The following IFNAR1 variants were observed in gnomAD, a reference collection of about 807,000 sequenced individuals.
The protein encoded by IFNAR1 is interferon alpha and beta receptor subunit 1, also known as interferon alpha/beta receptor 1.
A neutral mutation model predicts 62.1 loss-of-function variants in IFNAR1; 47 were observed. The observed-to-expected ratio is 0.76, with a 90% CI of 0.60 to 0.97. The LOEUF (loss-of-function observed/expected upper bound fraction) is 0.97. Among genes scored for constraint, IFNAR1 ranks in the 50% least tolerant of loss-of-function variants. The pLI is 0.00. For synonymous variants in IFNAR1, 219 were observed against 226.9 expected (o/e 0.97, Z 0.31); for missense variants, 638 against 654.5 (o/e 0.97, Z 0.27).
intron 1 of IFNAR1, among the ~76,000 whole-genome samples, chr21:33,327,532 T>A (rs1264335588): frequency 1.3e-5 from 2 of 152,224 alleles, no homozygotes; most frequent in African/African-American, 2.4e-5. Context: ...ATCCTGAGTC[T>A]GGACTAATAG....
chr21:33,341,759 A>G (rs755311551), intron 3 of IFNAR1, among the ~76,000 whole-genome samples: 46 of 151,968 alleles, frequency 3.0e-4, no homozygotes, highest in Middle Eastern at 6.8e-3. Flanking sequence ...ACGGCTCACT[A>G]CAGCCTCTGC....
At chr21:33,330,954 C>A (rs989602467) in intron 1 of IFNAR1, among the ~76,000 whole-genome samples, 1 of 152,224 alleles carries the variant, frequency 6.6e-6, no homozygotes, top group Non-Finnish European at 1.5e-5. Flanking sequence ...AGAGAAGGAG[C>A]CAACACTGTG....
Position 33,359,115 on chromosome 21 carries a change from T to TTGAA in IFNAR1, c.*3575_*3578dup, listed in dbSNP as rs1164919625. On this transcript the variant is annotated 3_prime_UTR_variant, in exon 11 of 11. Coordinates refer to ENST00000270139, the MANE Select transcript of IFNAR1 (RefSeq NM_000629.3). Reference sequence around the variant, plus strand: ...AATGAAAGTACTTAGAAAATAATTATTGAATGAATGAAATCTAAACTGTGA... The same window carrying TTGAA: ...AATGAAAGTACTTAGAAAATAATTATTGAATGAATGAATGAAATCTAAACTGTGA... 6.6e-6 allele frequency: 1 copy of TTGAA among 152,182 alleles called. No homozygotes were observed. The highest frequency in any genetic ancestry group is 1.5e-5 in the Non-Finnish European group (1 of 68,030). 9.4% of individuals were successfully genotyped at this position (152,182 alleles called of 1,614,324 possible). A position where few individuals can be genotyped will look rare whatever the true frequency, so the allele number is the denominator to read the frequency against.
At position 33,359,067 on chromosome 21, in the gene IFNAR1, T is replaced by C. The variant is rs955155831; in HGVS notation, c.*3518T>C. On this transcript the variant is annotated 3_prime_UTR_variant, in exon 11 of 11. Transcript: ENST00000270139. ...AGGCTCCAAGAAAACAGGGACCTTATTATTCATTACTGCATCCCCAGTAAT... is the reference window on the plus strand; with the variant it reads ...AGGCTCCAAGAAAACAGGGACCTTACTATTCATTACTGCATCCCCAGTAAT... 11 of 152,276 alleles carry C rather than the reference T, an allele frequency of 7.2e-5. No homozygotes were observed. The highest frequency in any genetic ancestry group is 3.9e-4 in the Admixed American group (6 of 15,296). 9.4% of individuals were successfully genotyped at this position (152,276 alleles called of 1,614,324 possible). A position where few individuals can be genotyped will look rare whatever the true frequency, so the allele number is the denominator to read the frequency against.
At chr21:33,352,639 A>G in intron 8 of IFNAR1, 119 bp from the exon 9 acceptor site, 1 of 540,832 alleles carries the variant, frequency 1.8e-6, no homozygotes, top group Non-Finnish European at 3.3e-6. Flanking sequence ...AACAAAAAAT[A>G]CATACCAACT....
intron 2 of IFNAR1, among the ~76,000 whole-genome samples, chr21:33,337,343 A>G (rs1191237678): frequency 1.3e-5 from 2 of 152,108 alleles, no homozygotes; most frequent in African/African-American, 4.8e-5. Flanking sequence ...ATTATTCAAG[A>G]GGAGAGGCAG....
intron 1 of IFNAR1, among the ~76,000 whole-genome samples, chr21:33,329,904 A>C (rs1466971617): frequency 2.0e-5 from 3 of 152,254 alleles, no homozygotes; most frequent in Non-Finnish European, 4.4e-5. Context: ...GGAAGATGGC[A>C]GAGTAGAAAG....
chr21:33,337,055 A>G (rs547732679), intron 2 of IFNAR1, among the ~76,000 whole-genome samples: 97 of 151,958 alleles, frequency 6.4e-4, no homozygotes, highest in African/African-American at 2.3e-3. Flanking sequence ...TGGCCTAGAT[A>G]CACTTTGTAA....
In IFNAR1 at chr21:33,356,805, G is replaced by C. The variant is rs2083453052; in HGVS notation, c.*1256G>C. On this transcript the variant is annotated 3_prime_UTR_variant, in exon 11 of 11. Transcript: ENST00000270139. ...TGCTTCCCTAGGAAAAAGGTCGCTG[G>C]CTTTGGTGCAAGAGGAAGAAGAATG... 1 of 152,166 alleles carries C rather than the reference G, an allele frequency of 6.6e-6. No individual in the cohort carries two copies. Among genetic ancestry groups the C allele is most frequent in the Non-Finnish European group, 1.5e-5 (1 of 68,024 alleles). 9.4% of individuals were successfully genotyped at this position (152,166 alleles called of 1,614,324 possible). A position where few individuals can be genotyped will look rare whatever the true frequency, so the allele number is the denominator to read the frequency against.
At chr21:33,334,563 C>T (rs1337908738) in intron 1 of IFNAR1, 19 of 531,862 alleles carry the variant, frequency 3.6e-5, no homozygotes, top group Non-Finnish European at 5.6e-5. Flanking sequence ...AACTGCCCTG[C>T]GAGAAATGCT....
chr21:33,338,738 TTTG>T (rs1239326543), intron 2 of IFNAR1, among the ~76,000 whole-genome samples: 2 of 151,790 alleles, frequency 1.3e-5, no homozygotes, highest in African/African-American at 4.8e-5. Flanking sequence ...TAATAGTTTT[TTTG>T]TTGTTGGTTT....
chr21:33,344,161 G>GA (rs576952200), intron 5 of IFNAR1, among the ~76,000 whole-genome samples: 29 of 146,354 alleles, frequency 2.0e-4, no homozygotes, highest in East Asian at 1.4e-3. Context: ...CTCCGTCTTA[G>GA]AAAAAAAAAA....
rs1188530434 is a variant in IFNAR1 at position 33,341,129 on chromosome 21, A to G, written c.331A>G (p.Thr111Ala). The G allele has an allele frequency of 1.2e-6, 2 of 1,613,262 alleles. No homozygotes were observed. Among genetic ancestry groups the G allele is most frequent in the African/African-American group, 1.3e-5 (1 of 74,892 alleles). ...GCGTATAAGAGCAGAAAAAGAAAACACTTCTTCATGGTATGAGGTTGACTC... is the reference window on the plus strand; with the variant it reads ...GCGTATAAGAGCAGAAAAAGAAAACGCTTCTTCATGGTATGAGGTTGACTC... ...KLRIRAEKEN[T>A]SSWYEVDSFT... Residue 111 changes from threonine (T) to alanine (A), a missense_variant, in exon 3 of 11, where the codon ACT (threonine) becomes GCT (alanine). By Grantham distance (58) the Thr-to-Ala change is moderately conservative. Transcript: ENST00000270139.
At chr21:33,330,298 C>T (rs2083163927) in intron 1 of IFNAR1, among the ~76,000 whole-genome samples, 1 of 152,262 alleles carries the variant, frequency 6.6e-6, no homozygotes, top group East Asian at 1.9e-4. Context: ...CAACCCCCTC[C>T]CCACTCACTC....
chr21:33,334,999 G>C, intron 1 of IFNAR1: 1 of 1,546,754 alleles, frequency 6.5e-7, no homozygotes, highest in Non-Finnish European at 8.9e-7. Context: ...GCTTGGGCAG[G>C]TGACTCTTCC....
chr21:33,324,968 G>C, upstream of IFNAR1: 2 of 1,187,492 alleles, frequency 1.7e-6, no homozygotes, highest in African/African-American at 1.5e-5. Context: ...GTGCAGAGGG[G>C]CGGTGTGACT....
chr21:33,349,990 C>T (rs185174295), intron 8 of IFNAR1, among the ~76,000 whole-genome samples: 99 of 151,748 alleles, frequency 6.5e-4, no homozygotes, highest in African/African-American at 2.3e-3. Flanking sequence ...TCATGTTTTG[C>T]ACTGTAGAGT....
At chr21:33,325,376 C>G (rs1049641721) in intron 1 of IFNAR1, among the ~76,000 whole-genome samples, 1 of 152,236 alleles carries the variant, frequency 6.6e-6, no homozygotes, top group African/African-American at 2.4e-5. Context: ...CCGGGTCCCA[C>G]CCCCGTGAAA....
At chr21:33,353,331 G>A (rs1178752656) in intron 9 of IFNAR1, among the ~76,000 whole-genome samples, 4 of 152,136 alleles carry the variant, frequency 2.6e-5, no homozygotes, top group Non-Finnish European at 5.9e-5. Context: ...CTTAGTCACA[G>A]AATATCTATT....
Sources: gnomAD v4.1 joint callset for allele counts (sites outside exome capture counted in the v4.1 genomes callset) on GRCh38, gnomAD v4.1.1 for gene constraint, MANE v1.5 for transcripts, NCBI Gene and HGNC (gene_info 2026-07-23, HGNC 2026-07-21) for gene names.